GLYATL3: variants seen among roughly 807,000 people sequenced by gnomAD.
GLYATL3 encodes the protein glycine N-acyltransferase-like protein 3.
A neutral mutation model predicts 28.5 loss-of-function variants in GLYATL3; 31 were observed. The ratio of observed to expected loss-of-function variants is 1.09; its 90% CI spans 0.82 to 1.47. GLYATL3 has a LOEUF of 1.47. Among genes scored for constraint, GLYATL3 ranks in the 40% most tolerant of loss-of-function variants. The pLI is 0.00. For missense variants in GLYATL3, 369 were observed against 351.5 expected (o/e 1.05, Z -0.40); for synonymous variants, 141 against 140.2 (o/e 1.01, Z -0.04).
intron 2 of GLYATL3, among the ~76,000 whole-genome samples, chr6:49,515,037 G>A (rs894691874): frequency 2.6e-5 from 4 of 152,126 alleles, no homozygotes; most frequent in East Asian, 1.9e-4. Context: ...GTCAGGCTCC[G>A]TGGACATAAT....
intron 5 of GLYATL3, among the ~76,000 whole-genome samples, chr6:49,525,383 T>C (rs1310702637): frequency 6.6e-6 from 1 of 151,708 alleles, no homozygotes; most frequent in Non-Finnish European, 1.5e-5. Flanking sequence ...CTAGCCAAAA[T>C]GGTGAAACCT....
intron 1 of GLYATL3, among the ~76,000 whole-genome samples, chr6:49,502,495 G>A (rs546208762): frequency 1.9e-4 from 29 of 152,218 alleles, no homozygotes; most frequent in African/African-American, 5.8e-4. Context: ...ACATTGAAAC[G>A]GATTTATAGA....
chr6:49,500,746 G>T (rs923453104), intron 1 of GLYATL3, among the ~76,000 whole-genome samples: 2 of 152,148 alleles, frequency 1.3e-5, no homozygotes, highest in African/African-American at 4.8e-5. Context: ...TACTGATTAT[G>T]GACAGTACTA....
chr6:49,527,926 A>C lies in GLYATL3; in HGVS notation c.*1012A>C, dbSNP rs1171125194. On this transcript the variant is annotated 3_prime_UTR_variant, in exon 6 of 6. Transcript: ENST00000371197. ...AAAAATTTGAGGACCAGAGAAAATA[A>C]ATGACTTTTTCAAGATTATATTCTT... Among the ~76,000 whole-genome samples the C allele has an allele frequency of 6.6e-6, 1 of 152,156 alleles. No individual in the cohort carries two copies. Among genetic ancestry groups the C allele is most frequent in the Non-Finnish European group, 1.5e-5 (1 of 68,028 alleles).
At chr6:49,514,903 AAATAAT>A (rs762916639) in intron 2 of GLYATL3, among the ~76,000 whole-genome samples, 2 of 152,088 alleles carry the variant, frequency 1.3e-5, no homozygotes, top group Non-Finnish European at 2.9e-5. Flanking sequence ...TACTGTCGCA[AAATAAT>A]AATAATAATA....
chr6:49,518,370 T>C (rs545446917), intron 4 of GLYATL3, among the ~76,000 whole-genome samples: 1 of 152,344 alleles, frequency 6.6e-6, no homozygotes, highest in East Asian at 1.9e-4. Context: ...GATGAATAGT[T>C]TCCGCGTCAG....
Position 49,501,225 on chromosome 6 carries a change from C to T in GLYATL3, c.-29+1183C>T, listed in dbSNP as rs112739466. ...GATCAGCCTAGCCAACATGGTGAAACCCCCCATCTCTACTAAAAATATAAA... is the reference window on the plus strand; with the variant it reads ...GATCAGCCTAGCCAACATGGTGAAATCCCCCATCTCTACTAAAAATATAAA... On this transcript the variant is annotated intron_variant, in intron 1 of 5. Coordinates refer to ENST00000371197, the MANE Select transcript of GLYATL3 (RefSeq NM_001010904.2). 5.7e-3 allele frequency among the ~76,000 whole-genome samples: 865 copies of T among 151,090 alleles called. 5 individuals carry two copies. Among genetic ancestry groups the T allele is most frequent in the African/African-American group, 0.019 (771 of 41,458 alleles).
Position 49,500,899 on chromosome 6 carries a change from A to C in GLYATL3, c.-29+857A>C, listed in dbSNP as rs60737258. On this transcript the variant is annotated intron_variant, in intron 1 of 5. Coordinates refer to ENST00000371197, the MANE Select transcript of GLYATL3 (RefSeq NM_001010904.2). ...CTGCTCTACCTTGTGGCATTAAAAAAATTTCTATTTAATGAAAGATCCTTA... is the reference window on the plus strand; with the variant it reads ...CTGCTCTACCTTGTGGCATTAAAAACATTTCTATTTAATGAAAGATCCTTA... 7.6e-3 allele frequency among the ~76,000 whole-genome samples: 1,155 copies of C among 152,320 alleles called. 21 individuals carry two copies. The highest frequency in any genetic ancestry group is 0.024 in the African/African-American group (995 of 41,568).
intron 5 of GLYATL3, among the ~76,000 whole-genome samples, chr6:49,524,626 C>T (rs1253718408): frequency 6.6e-6 from 1 of 152,010 alleles, no homozygotes; most frequent in African/African-American, 2.4e-5. Context: ...CAAATACTGC[C>T]AATGGAAAAG....
chr6:49,523,543 G>T (rs979930289), intron 5 of GLYATL3, among the ~76,000 whole-genome samples: 1 of 152,234 alleles, frequency 6.6e-6, no homozygotes, highest in South Asian at 2.1e-4. Flanking sequence ...GGAAATGGTA[G>T]CCCCCCTCCA....
chr6:49,502,804 T>C lies in GLYATL3; in HGVS notation c.-29+2762T>C, dbSNP rs1768938163. On this transcript the variant is annotated intron_variant, in intron 1 of 5. Transcript: ENST00000371197. Reference sequence around the variant, plus strand: ...GTAAAAATAAATAATTTACTCCTTTTAATAATTTTCTGTAGAATATTATTA... The same window carrying C: ...GTAAAAATAAATAATTTACTCCTTTCAATAATTTTCTGTAGAATATTATTA... 2.6e-5 allele frequency among the ~76,000 whole-genome samples: 4 copies of C among 152,206 alleles called. No individual in the cohort carries two copies. The South Asian group carries it at 6.2e-4, about 24-fold the overall frequency.
chr6:49,507,498 G>T (rs764829654), intron 1 of GLYATL3, among the ~76,000 whole-genome samples: 6 of 152,254 alleles, frequency 3.9e-5, no homozygotes, highest in African/African-American at 1.4e-4. Flanking sequence ...GATAAGCCTG[G>T]TGTTTAGACT....
chr6:49,510,012 C>T (rs1466512524), intron 1 of GLYATL3, among the ~76,000 whole-genome samples: 2 of 113,882 alleles, frequency 1.8e-5, no homozygotes, highest in African/African-American at 6.2e-5. Flanking sequence ...CTCTTTCTTT[C>T]CTTCCTTCCT....
At chr6:49,501,928 G>A (rs531574926) in intron 1 of GLYATL3, among the ~76,000 whole-genome samples, 1 of 152,238 alleles carries the variant, frequency 6.6e-6, no homozygotes, top group African/African-American at 2.4e-5. Context: ...TAGGAATCTT[G>A]GTGATGTGAA....
chr6:49,505,465 A>G (rs901030545), intron 1 of GLYATL3, among the ~76,000 whole-genome samples: 1 of 152,328 alleles, frequency 6.6e-6, no homozygotes, highest in East Asian at 1.9e-4. Flanking sequence ...TTTTGGTCCT[A>G]CATAACCTGC....
chr6:49,500,625 A>T (rs1473560852), intron 1 of GLYATL3, among the ~76,000 whole-genome samples: 1 of 152,192 alleles, frequency 6.6e-6, no homozygotes, highest in Non-Finnish European at 1.5e-5. Flanking sequence ...TCAGTTTCTA[A>T]AACTTACATG....
Position 49,526,800 on chromosome 6 carries a change from T to A in GLYATL3, c.753T>A (p.Asp251Glu). ...TCCCCTCTCAGGGGAACGTCCTGGA[T>A]GACAACACGGCGTCTATAAGCCTCC... ...RGFPSQGNVLDDNTASISLLK... is the reference protein window; with the variant it reads ...RGFPSQGNVLEDNTASISLLK... Residue 251 changes from aspartate to glutamate, a missense_variant, in exon 6 of 6, where the codon GAT becomes GAA. By Grantham distance (45) the Asp-to-Glu change is conservative. Transcript: ENST00000371197. 6.4e-7 allele frequency: 1 copy of A among 1,552,078 alleles called. No individual in the cohort carries two copies. The highest frequency in any genetic ancestry group is 1.2e-5 in the South Asian group (1 of 84,058).
intron 1 of GLYATL3, among the ~76,000 whole-genome samples, chr6:49,508,931 C>G (rs1377385805): frequency 1.3e-5 from 2 of 151,940 alleles, no homozygotes; most frequent in African/African-American, 2.4e-5. Flanking sequence ...GAGCCAAGAT[C>G]ATGCCACTGC....
intron 1 of GLYATL3, among the ~76,000 whole-genome samples, chr6:49,504,040 A>G (rs1197812151): frequency 6.6e-6 from 1 of 152,106 alleles, no homozygotes; most frequent in African/African-American, 2.4e-5. Flanking sequence ...TAAGAAGAAG[A>G]AAAGGAATAT....
Sources: gnomAD v4.1 joint callset for allele counts (sites outside exome capture counted in the v4.1 genomes callset) on GRCh38, gnomAD v4.1.1 for gene constraint, MANE v1.5 for transcripts, NCBI Gene and HGNC (gene_info 2026-07-23, HGNC 2026-07-21) for gene names.